Variants in ADORA1 observed in about 807,000 individuals in gnomAD.
ADORA1 encodes adenosine receptor A1.
ADORA1 carries 6 observed loss-of-function variants against 19.9 expected under a neutral mutation model. That is an observed-to-expected ratio of 0.30 (90% CI 0.17 to 0.59). The LOEUF (loss-of-function observed/expected upper bound fraction) is 0.59, where lower values mean the gene tolerates loss of function less well. ADORA1 is among the 20% of genes least tolerant of loss of function. The pLI is 0.87. For missense variants in ADORA1, 302 were observed against 439.2 expected, an observed-to-expected ratio of 0.69 and a Z score of 2.79; for synonymous variants, 194 against 188.4, an observed-to-expected ratio of 1.03 and a Z score of -0.24.
chr1:203,142,426 T>C (rs1017361238), intron 3 of ADORA1, among the ~76,000 whole-genome samples: 5 of 152,168 alleles, frequency 3.3e-5, no homozygotes, highest in Non-Finnish European at 5.9e-5. Context: ...AATGCTCCAA[T>C]GGAGGAAGGA....
chr1:203,128,120 G>T lies in ADORA1; in HGVS notation c.-212-158G>T, dbSNP rs1442714616. On this transcript the variant is annotated intron_variant, in intron 1 of 3. Coordinates refer to ENST00000337894, the MANE Select transcript of ADORA1 (RefSeq NM_000674.3). This position sits in a 1 kb window ranked among gnomAD's most constrained non-coding sequence, Gnocchi z 5.9. ...AAGTGGGTGGGCGCAGGGCAGGTGCGGGCACGCTGGGGAATAGGGAGAAAC... is the reference window on the plus strand; with the variant it reads ...AAGTGGGTGGGCGCAGGGCAGGTGCTGGCACGCTGGGGAATAGGGAGAAAC... Among the ~76,000 whole-genome samples, 1 of 152,168 alleles carries T rather than the reference G, an allele frequency of 6.6e-6. No individual in the cohort carries two copies. Among genetic ancestry groups the T allele is most frequent in the Non-Finnish European group, 1.5e-5 (1 of 68,014 alleles).
At chr1:203,132,567 G>A (rs1479064777) in intron 3 of ADORA1, among the ~76,000 whole-genome samples, 2 of 152,276 alleles carry the variant, frequency 1.3e-5, no homozygotes, top group Non-Finnish European at 2.9e-5. Flanking sequence ...TGGAGGTGGG[G>A]CATGGTGGCT....
chr1:203,141,705 C>T (rs780197563), intron 3 of ADORA1, among the ~76,000 whole-genome samples: 8 of 150,512 alleles, frequency 5.3e-5, no homozygotes, highest in African/African-American at 9.8e-5. Context: ...CTCAGCCTCT[C>T]GAGTAGCTGG....
rs897323746 is a variant in ADORA1 at position 203,161,371 on chromosome 1, G to A, written c.342-3890G>A. 1.2e-4 allele frequency among the ~76,000 whole-genome samples: 18 copies of A among 152,300 alleles called. No individual in the cohort carries two copies. In the East Asian group the frequency reaches 1.9e-3, roughly 16 times the overall value. On this transcript the variant is annotated intron_variant, in intron 3 of 3. Transcript: ENST00000337894. ...TGTAATTCCAGAACTTCAGGAGGTC[G>A]AAGTGGGAGAATTGCTTGAGCACAG...
intron 3 of ADORA1, among the ~76,000 whole-genome samples, chr1:203,148,830 C>T (rs1654941698): frequency 6.6e-6 from 1 of 152,214 alleles, no homozygotes. Flanking sequence ...GCATGTCCTA[C>T]CCGATTCTTG....
chr1:203,129,135 GC>G lies in ADORA1; in HGVS notation c.295del (p.Leu99TrpfsTer21). 1 of 1,614,078 alleles carries G rather than the reference GC, an allele frequency of 6.2e-7. No individual in the cohort carries two copies. The highest frequency in any genetic ancestry group is 2.2e-5 in the East Asian group (1 of 44,890). The stretch of plus-strand genomic sequence containing the variant: ...TCACCCAGAGCTCCATCCTGGCCCT[GC>G]TGGCAATTGCTGTGGACCGCTACCT... ...ILTQSSILAL[L>X]AIAVDRYLRV... On this transcript the variant is annotated frameshift_variant, in exon 3 of 4. Coordinates refer to ENST00000337894, the MANE Select transcript of ADORA1 (RefSeq NM_000674.3). LOFTEE classifies it high-confidence loss of function.
At chr1:203,136,042 G>A (rs1654495424) in intron 3 of ADORA1, among the ~76,000 whole-genome samples, 1 of 152,128 alleles carries the variant, frequency 6.6e-6, no homozygotes, top group South Asian at 2.1e-4. Context: ...CTTGGGGTGA[G>A]GCACATCTTG....
intron 3 of ADORA1, among the ~76,000 whole-genome samples, chr1:203,158,871 A>G (rs1437872863): frequency 6.6e-6 from 1 of 152,226 alleles, no homozygotes; most frequent in Non-Finnish European, 1.5e-5. Flanking sequence ...AGAGAAAAGA[A>G]GGTGGCCAAA....
At position 203,150,682 on chromosome 1, in the gene ADORA1, G is replaced by C. The variant is rs942158542; in HGVS notation, c.342-14579G>C. Reference sequence around the variant, plus strand: ...TTCTGATGCAGCAGGAAGAACTGAAGTTAGACTCTGGGAAGGACTTTCTAA... The same window carrying C: ...TTCTGATGCAGCAGGAAGAACTGAACTTAGACTCTGGGAAGGACTTTCTAA... On this transcript the variant is annotated intron_variant, in intron 3 of 3. Coordinates refer to ENST00000337894, the MANE Select transcript of ADORA1 (RefSeq NM_000674.3). 9 of 1,289,724 alleles carry C rather than the reference G, an allele frequency of 7.0e-6. No individual in the cohort carries two copies. The African/African-American group carries it at 1.2e-4, about 17-fold the overall frequency. 79.9% of individuals were successfully genotyped at this position (1,289,724 alleles called of 1,614,324 possible). A position where few individuals can be genotyped will look rare whatever the true frequency, so the allele number is the denominator to read the frequency against.
intron 3 of ADORA1, among the ~76,000 whole-genome samples, chr1:203,136,531 A>G (rs2102739372): frequency 6.6e-6 from 1 of 152,298 alleles, no homozygotes; most frequent in South Asian, 2.1e-4. Flanking sequence ...GGATACACAG[A>G]TGGGCAGGCT....
At chr1:203,153,138 G>T (rs1408599818) in intron 3 of ADORA1, among the ~76,000 whole-genome samples, 2 of 152,094 alleles carry the variant, frequency 1.3e-5, no homozygotes, top group Non-Finnish European at 2.9e-5. Flanking sequence ...GGTCTGGGGG[G>T]AGCTTGTGCT....
Position 203,128,235 on chromosome 1 carries a change from G to A in ADORA1, c.-212-43G>A. 4 of 1,045,848 alleles carry A rather than the reference G, an allele frequency of 3.8e-6. No individual in the cohort carries two copies. Among genetic ancestry groups the A allele is most frequent in the African/African-American group, 1.7e-5 (1 of 59,928 alleles). The allele number at this position is 1,045,848 out of a possible 1,614,324, so 64.8% of individuals were successfully genotyped here. ...ACAGGGGCGCTACCTCTTTAAAAGC[G>A]TCCGGGGCTGAGTCTCTGCCGTACC... On this transcript the variant is annotated intron_variant, in intron 1 of 3. Transcript: ENST00000337894. The surrounding 1 kb of genome is among the most constrained non-coding windows in gnomAD (Gnocchi z 5.9).
At chr1:203,132,225 G>C (rs867329250) in intron 3 of ADORA1, among the ~76,000 whole-genome samples, 1 of 152,076 alleles carries the variant, frequency 6.6e-6, no homozygotes, top group African/African-American at 2.4e-5. Context: ...ATTCCCCTCA[G>C]CTCCTGGTTC....
At chr1:203,161,926 G>A (rs1349697273) in intron 3 of ADORA1, among the ~76,000 whole-genome samples, 2 of 152,128 alleles carry the variant, frequency 1.3e-5, no homozygotes, top group African/African-American at 4.8e-5. Flanking sequence ...TGTGGACGGG[G>A]CCCCTCTTGG....
At chr1:203,132,120 C>T (rs1654360982) in intron 3 of ADORA1, among the ~76,000 whole-genome samples, 1 of 152,172 alleles carries the variant, frequency 6.6e-6, no homozygotes, top group South Asian at 2.1e-4. Flanking sequence ...TCTTTTTAAG[C>T]TCAAATTGTT....
At chr1:203,159,924 A>G (rs1242484410) in intron 3 of ADORA1, among the ~76,000 whole-genome samples, 1 of 152,218 alleles carries the variant, frequency 6.6e-6, no homozygotes, top group African/African-American at 2.4e-5. Context: ...AGGAGGAGTG[A>G]GGCTCCCAGG....
chr1:203,143,553 GTGTGTT>G (rs1654764293), intron 3 of ADORA1, among the ~76,000 whole-genome samples: 1 of 151,968 alleles, frequency 6.6e-6, no homozygotes, highest in African/African-American at 2.4e-5. Flanking sequence ...GTGTGTGTGT[GTGTGTT>G]TGTGTGTGCA....
Position 203,128,360 on chromosome 1 carries a change from C to A in ADORA1, c.-130C>A. 7.8e-7 allele frequency: 1 copy of A among 1,290,122 alleles called. No individual in the cohort carries two copies. The highest frequency in any genetic ancestry group is 1.0e-6 in the Non-Finnish European group (1 of 989,268). 79.9% of individuals were successfully genotyped at this position (1,290,122 alleles called of 1,614,324 possible). ...CAGAGCCCAGCCCAGCCCTACCGCG[C>A]GCGGCCCGGAGCTCTGTTCCCTGGA... On this transcript the variant is annotated 5_prime_UTR_variant, in exon 2 of 4. Transcript: ENST00000337894. This position sits in a 1 kb window ranked among gnomAD's most constrained non-coding sequence, Gnocchi z 5.9.
At chr1:203,157,748 C>G (rs1267168705) in intron 3 of ADORA1, among the ~76,000 whole-genome samples, 2 of 152,232 alleles carry the variant, frequency 1.3e-5, no homozygotes, top group African/African-American at 2.4e-5. Flanking sequence ...CAAGACCTAC[C>G]TACCACTTGT....
Sources: gnomAD v4.1 joint callset for allele counts (sites outside exome capture counted in the v4.1 genomes callset) on GRCh38, gnomAD v4.1.1 for gene constraint, Gnocchi (gnomAD v3.1) non-coding constraint, MANE v1.5 for transcripts, NCBI Gene and HGNC (gene_info 2026-07-23, HGNC 2026-07-21) for gene names.